BMPR1B: variants seen among roughly 807,000 people sequenced by gnomAD.
BMPR1B encodes the protein bone morphogenetic protein receptor type 1B, also known as bone morphogenetic protein receptor type-1B.
BMPR1B carries 12 observed loss-of-function variants against 59.1 expected under a neutral mutation model. The observed-to-expected ratio is 0.20, with a 90% confidence interval of 0.13 to 0.33. The LOEUF (loss-of-function observed/expected upper bound fraction) is 0.33, where lower values mean the gene tolerates loss of function less well. Among genes scored for constraint, BMPR1B ranks in the 10% least tolerant of loss-of-function variants. The pLI, the probability that BMPR1B is intolerant of heterozygous loss-of-function variation, is 1.00. For synonymous variants in BMPR1B, 237 were observed against 207.3 expected, an observed-to-expected ratio of 1.14 and a Z score of -1.23; for missense variants, 550 against 610.9, an observed-to-expected ratio of 0.90 and a Z score of 1.05.
intron 1 of BMPR1B, among the ~76,000 whole-genome samples, chr4:94,797,393 T>G (rs1036578927): frequency 1.3e-5 from 2 of 152,204 alleles, no homozygotes; most frequent in African/African-American, 4.8e-5. Flanking sequence ...GAATAGGGAT[T>G]TATCTTAAAT....
At chr4:95,116,348 T>C (rs1387647075) in intron 6 of BMPR1B, among the ~76,000 whole-genome samples, 1 of 150,620 alleles carries the variant, frequency 6.6e-6, no homozygotes. Context: ...TCCCAAGATA[T>C]TGCCTCCCAA....
rs1336844290 is a variant in BMPR1B at position 94,894,822 on chromosome 4, AGTTT to A, written c.-113+18927_-113+18930del. Among the ~76,000 whole-genome samples the A allele has an allele frequency of 1.1e-4, 16 of 151,538 alleles. No homozygotes were observed. In the East Asian group the frequency reaches 2.7e-3, roughly 26 times the overall value. On this transcript the variant is annotated intron_variant, in intron 2 of 12. Transcript: ENST00000515059. ...ACTGAGAGAAGCAGCTCTGTATGCT[AGTTT>A]GTTTTTTTTTTCTTTCACATCTTAA...
chr4:94,762,231 G>C (rs1189703875), intron 1 of BMPR1B, among the ~76,000 whole-genome samples: 1 of 151,862 alleles, frequency 6.6e-6, no homozygotes, highest in Non-Finnish European at 1.5e-5. Flanking sequence ...GGGACACTGT[G>C]ACTATAAGAG....
intron 10 of BMPR1B, among the ~76,000 whole-genome samples, chr4:95,132,937 A>G (rs576252166): frequency 1.3e-5 from 2 of 151,514 alleles, no homozygotes; most frequent in South Asian, 4.2e-4. Context: ...GTATCTCTGT[A>G]CTCCAACTTC....
At chr4:94,854,091 T>G (rs1487855650) in intron 1 of BMPR1B, among the ~76,000 whole-genome samples, 1 of 149,130 alleles carries the variant, frequency 6.7e-6, no homozygotes, top group Non-Finnish European at 1.5e-5. Context: ...TCCCCTGGGC[T>G]ATCTTCATAT....
At position 94,841,053 on chromosome 4, in the gene BMPR1B, G is replaced by A. The variant is rs1364489013; in HGVS notation, c.-182-34778G>A. On this transcript the variant is annotated intron_variant, in intron 1 of 12. Transcript: ENST00000515059. ...GGTGTCAGTGTGCCCCTGCTAGGGG[G>A]TGCCTCCCAGTTAGGCTGTTCGGGT... 7.4e-5 allele frequency among the ~76,000 whole-genome samples: 11 copies of A among 148,094 alleles called. 1 individual carries two copies. Among genetic ancestry groups the A allele is most frequent in the African/African-American group, 2.7e-4 (11 of 40,176 alleles).
intron 1 of BMPR1B, among the ~76,000 whole-genome samples, chr4:94,789,062 G>A (rs1722864214): frequency 6.6e-6 from 1 of 152,158 alleles, no homozygotes; most frequent in Non-Finnish European, 1.5e-5. Context: ...TGGATGGATT[G>A]GCTGTGTCTT....
At chr4:94,997,412 T>C (rs1180456016) in intron 3 of BMPR1B, among the ~76,000 whole-genome samples, 2 of 152,156 alleles carry the variant, frequency 1.3e-5, no homozygotes, top group East Asian at 1.9e-4. Context: ...AAACAACAGG[T>C]AGAATATGTT....
intron 3 of BMPR1B, among the ~76,000 whole-genome samples, chr4:95,013,737 G>T (rs1560595750): frequency 6.6e-6 from 1 of 152,000 alleles, no homozygotes; most frequent in Non-Finnish European, 1.5e-5. Flanking sequence ...CTAGATGTCT[G>T]TTTCACTTGT....
chr4:95,099,445 C>G (rs912527986), intron 3 of BMPR1B, among the ~76,000 whole-genome samples: 2 of 152,168 alleles, frequency 1.3e-5, no homozygotes, highest in Non-Finnish European at 2.9e-5. Flanking sequence ...ATTATGGCCC[C>G]TTTGAAAGTA....
intron 2 of BMPR1B, among the ~76,000 whole-genome samples, chr4:94,991,769 A>G (rs182450888): frequency 2.9e-3 from 447 of 152,296 alleles, no homozygotes; most frequent in Middle Eastern, 0.01. Flanking sequence ...CTCTGAGTAA[A>G]ATGGGGAAGC....
chr4:94,966,677 A>G (rs534892825), intron 2 of BMPR1B, among the ~76,000 whole-genome samples: 172 of 152,344 alleles, frequency 1.1e-3, no homozygotes, highest in Non-Finnish European at 1.9e-3. Context: ...CATAGCCTTC[A>G]CTTGCCTATG....
intron 2 of BMPR1B, among the ~76,000 whole-genome samples, chr4:94,968,574 A>C (rs1458844526): frequency 1.3e-5 from 2 of 152,124 alleles, no homozygotes; most frequent in African/African-American, 4.8e-5. Flanking sequence ...GCAAACCCAA[A>C]GTGAGTTTAT....
In BMPR1B at chr4:95,153,695, C is replaced by A. The variant is rs1735217394; in HGVS notation, c.1384-853C>A. Among the ~76,000 whole-genome samples the A allele has an allele frequency of 5.3e-5, 8 of 152,194 alleles. No individual in the cohort carries two copies. In the South Asian group the frequency reaches 1.7e-3, roughly 32 times the overall value. On this transcript the variant is annotated intron_variant, in intron 12 of 12. Transcript: ENST00000515059. The stretch of plus-strand genomic sequence containing the variant: ...GAAAACCCATCTCTATTAAAAAATA[C>A]AAACAATAGCCTAGTGTGTTGGTGC...
At chr4:94,774,269 C>G (rs1407221534) in intron 1 of BMPR1B, among the ~76,000 whole-genome samples, 2 of 151,990 alleles carry the variant, frequency 1.3e-5, no homozygotes, top group African/African-American at 4.8e-5. Flanking sequence ...CATCCTGGAG[C>G]ATTTGCTCTT....
chr4:94,889,504 TTTAA>T (rs1302908742), intron 2 of BMPR1B, among the ~76,000 whole-genome samples: 1 of 152,082 alleles, frequency 6.6e-6, no homozygotes, highest in Non-Finnish European at 1.5e-5. Flanking sequence ...CTGCTGTAGT[TTTAA>T]TTCTTTCTCA....
rs1206298060 is a variant in BMPR1B, at chr4:94,917,958, T to A, written c.-113+42058T>A. ...CTTGTGGGATCTGGTCATTTAAAAG[T>A]GTGTGGCACTTCCCTCCTCACTCTC... On this transcript the variant is annotated intron_variant, in intron 2 of 12. Coordinates refer to ENST00000515059, the MANE Select transcript of BMPR1B (RefSeq NM_001203.3). Among the ~76,000 whole-genome samples, 3 of 152,080 alleles carry A rather than the reference T, an allele frequency of 2.0e-5. No individual in the cohort carries two copies. The East Asian group carries it at 5.8e-4, about 29-fold the overall frequency.
At chr4:94,786,065 C>T (rs1722752949) in intron 1 of BMPR1B, among the ~76,000 whole-genome samples, 1 of 152,056 alleles carries the variant, frequency 6.6e-6, no homozygotes, top group East Asian at 1.9e-4. Context: ...AATTATGATC[C>T]CTGCTCTGTG....
intron 10 of BMPR1B, among the ~76,000 whole-genome samples, chr4:95,145,908 C>T (rs914499308): frequency 6.6e-6 from 1 of 152,158 alleles, no homozygotes; most frequent in Non-Finnish European, 1.5e-5. Context: ...ATTTTATGGC[C>T]CATGCAGTCC....
Sources: allele counts gnomAD v4.1 joint callset (sites outside exome capture counted in the v4.1 genomes callset), GRCh38; gene constraint gnomAD v4.1.1; transcripts MANE v1.5; gene names NCBI Gene and HGNC (gene_info 2026-07-23, HGNC 2026-07-21).